The following CEP128 variants were observed in gnomAD, a reference collection of about 807,000 sequenced individuals.
CEP128 encodes centrosomal protein 128kDa.
Under a neutral mutation model 156.7 loss-of-function variants are expected in CEP128, and 132 were observed. The observed-to-expected ratio is 0.84, with a 90% confidence interval of 0.73 to 0.97. The LOEUF is 0.97. Among genes scored for constraint, CEP128 ranks in the 50% least tolerant of loss-of-function variants. CEP128 has a pLI of 0.00. For synonymous variants in CEP128, 469 were observed against 448.9 expected, an observed-to-expected ratio of 1.04 and a Z score of -0.57; for missense variants, 1,252 against 1,281.9, an observed-to-expected ratio of 0.98 and a Z score of 0.36.
At chr14:80,810,548 G>A (rs1363522497) in intron 13 of CEP128, among the ~76,000 whole-genome samples, 1 of 151,804 alleles carries the variant, frequency 6.6e-6, no homozygotes, top group Non-Finnish European at 1.5e-5. Flanking sequence ...TTTTGTTGAG[G>A]TTTTTTTCTT....
At position 80,836,316 on chromosome 14, in the gene CEP128, G is replaced by T. The variant is rs537694454; in HGVS notation, c.946C>A (p.Leu316Ile). The T allele has an allele frequency of 6.2e-7, 1 of 1,614,036 alleles. No homozygotes were observed. The highest frequency in any genetic ancestry group is 1.1e-5 in the South Asian group (1 of 91,068). Residue 316 changes from leucine (L) to isoleucine (I), a missense_variant, in exon 12 of 25, where the codon CTT (leucine) becomes ATT (isoleucine). Physicochemically the swap from Leu to Ile is conservative, Grantham distance 5. Coordinates refer to ENST00000555265, the MANE Select transcript of CEP128 (RefSeq NM_152446.5). ...LHQVEELRTQ[L>I]TKAEGDRKGL... The stretch of plus-strand genomic sequence containing the variant: ...TTTCGATCACCTTCTGCTTTCGTAA[G>T]TTGTGTACGCAGTTCTTCTACCTAA...
chr14:80,491,149 A>G (rs1248406649), intron 6 of CEP128, among the ~76,000 whole-genome samples: 2 of 152,260 alleles, frequency 1.3e-5, no homozygotes, highest in South Asian at 2.1e-4. Flanking sequence ...TTTAAAATTA[A>G]GAAATGAGCA....
At chr14:80,643,576 G>A (rs888354301) in intron 19 of CEP128, among the ~76,000 whole-genome samples, 7 of 152,082 alleles carry the variant, frequency 4.6e-5, no homozygotes, top group East Asian at 1.9e-4. Flanking sequence ...CGGGTGCAGC[G>A]GCGAGCACCT....
intron 19 of CEP128, among the ~76,000 whole-genome samples, chr14:80,675,551 C>G (rs956501010): frequency 6.6e-6 from 1 of 151,944 alleles, no homozygotes; most frequent in Admixed American, 6.6e-5. Context: ...ATTATTGGGT[C>G]TATGGGTCTT....
chr14:80,548,091 C>T (rs745999742), intron 21 of CEP128, among the ~76,000 whole-genome samples: 4 of 151,928 alleles, frequency 2.6e-5, no homozygotes, highest in Admixed American at 2.0e-4. Flanking sequence ...TGAGCCACTG[C>T]GCCCAGCTGG....
At chr14:80,500,983 C>T (rs1887705559) in intron 24 of CEP128, among the ~76,000 whole-genome samples, 2 of 151,144 alleles carry the variant, frequency 1.3e-5, no homozygotes, top group African/African-American at 4.9e-5. Context: ...TCTCTGTGAC[C>T]ATCTTGCTTC....
At chr14:80,641,011 G>A (rs1647547050) in intron 19 of CEP128, among the ~76,000 whole-genome samples, 2 of 152,092 alleles carry the variant, frequency 1.3e-5, no homozygotes, top group Admixed American at 1.3e-4. Context: ...CTACTTTGAA[G>A]GGCCATTATT....
intron 20 of CEP128, among the ~76,000 whole-genome samples, chr14:80,563,500 A>C (rs1260175967): frequency 6.8e-6 from 1 of 147,546 alleles, no homozygotes; most frequent in East Asian, 2.1e-4. Context: ...AGACTCTCTG[A>C]AGCCTACCCA....
At chr14:80,497,872 C>T (rs1887564252) in intron 24 of CEP128, among the ~76,000 whole-genome samples, 1 of 152,194 alleles carries the variant, frequency 6.6e-6, no homozygotes, top group Non-Finnish European at 1.5e-5. Flanking sequence ...TGTGCACGTG[C>T]ACACGCACAC....
intron 8 of CEP128, among the ~76,000 whole-genome samples, chr14:80,886,682 A>G (rs1888819641): frequency 6.6e-6 from 1 of 152,242 alleles, no homozygotes; most frequent in African/African-American, 2.4e-5. Context: ...AACATACCAA[A>G]TTGTAAAGAC....
At chr14:80,576,649 G>C (rs868428821) in intron 20 of CEP128, among the ~76,000 whole-genome samples, 11 of 127,170 alleles carry the variant, frequency 8.6e-5, no homozygotes, top group Non-Finnish European at 1.6e-4. Context: ...GTGTGTGTGT[G>C]TGTGTCTGTG....
chr14:80,819,237 TC>T (rs1159893778), intron 13 of CEP128, among the ~76,000 whole-genome samples: 45 of 140,338 alleles, frequency 3.2e-4, no homozygotes, highest in Admixed American at 5.8e-4. Flanking sequence ...TCTGGCATCT[TC>T]CTTTTTTTTT....
intron 19 of CEP128, among the ~76,000 whole-genome samples, chr14:80,661,542 C>A (rs570537033): frequency 3.3e-5 from 5 of 152,162 alleles, no homozygotes; most frequent in African/African-American, 9.6e-5. Flanking sequence ...TTGTTTTCAA[C>A]GAGAATATTT....
intron 24 of CEP128, among the ~76,000 whole-genome samples, chr14:80,498,913 T>C (rs1033386450): frequency 6.6e-6 from 1 of 152,212 alleles, no homozygotes; most frequent in African/African-American, 2.4e-5. Context: ...ATTTTCTAGC[T>C]GGTTTCTGGA....
intron 17 of CEP128, among the ~76,000 whole-genome samples, chr14:80,761,201 CTTTT>C (rs1326192702): frequency 1.4e-5 from 2 of 138,014 alleles, no homozygotes; most frequent in Non-Finnish European, 1.6e-5. Flanking sequence ...TAAGATTTTT[CTTTT>C]TTTTTTTTTT....
At chr14:80,662,187 C>T (rs60266883) in intron 19 of CEP128, among the ~76,000 whole-genome samples, 2 of 152,110 alleles carry the variant, frequency 1.3e-5, no homozygotes, top group African/African-American at 2.4e-5. Context: ...TTTGTGAGCA[C>T]AAAAATATTT....
intron 19 of CEP128, among the ~76,000 whole-genome samples, chr14:80,703,126 C>A (rs8019534): frequency 4.3e-4 from 65 of 151,942 alleles, no homozygotes; most frequent in Admixed American, 1.8e-3. Context: ...AGATAAAAGG[C>A]AGGCAAAATC....
chr14:80,724,932 C>CTATA (rs57931334), intron 19 of CEP128, among the ~76,000 whole-genome samples: 6 of 146,608 alleles, frequency 4.1e-5, no homozygotes, highest in African/African-American at 1.5e-4. Flanking sequence ...TGGGCACCTA[C>CTATA]TATATATATA....
chr14:80,498,502 C>T (rs1464269184), intron 24 of CEP128, among the ~76,000 whole-genome samples: 3 of 152,156 alleles, frequency 2.0e-5, no homozygotes, highest in Non-Finnish European at 4.4e-5. Context: ...CTCAGTAGCC[C>T]GTATCTCTAG....
Sources: allele counts gnomAD v4.1 joint callset (sites outside exome capture counted in the v4.1 genomes callset), GRCh38; gene constraint gnomAD v4.1.1; transcripts MANE v1.5; gene names NCBI Gene and HGNC (gene_info 2026-07-23, HGNC 2026-07-21).